The following AEBP2 variants were observed in gnomAD, a reference collection of about 807,000 sequenced individuals.
AEBP2 encodes AE binding protein 2.
In AEBP2, 10 loss-of-function variants were observed where a neutral mutation model predicts 50.8. The observed-to-expected ratio is 0.20, with a 90% CI of 0.12 to 0.33. The LOEUF is 0.33. Among genes scored for constraint, AEBP2 ranks in the 10% least tolerant of loss-of-function variants. AEBP2 has a pLI of 1.00. For missense variants in AEBP2, 570 were observed against 688.0 expected, an observed-to-expected ratio of 0.83 and a Z score of 1.92; for synonymous variants, 296 against 261.3, an observed-to-expected ratio of 1.13 and a Z score of -1.28.
At chr12:19,477,522 T>C (rs1164720211) in intron 3 of AEBP2, among the ~76,000 whole-genome samples, 4 of 152,238 alleles carry the variant, frequency 2.6e-5, no homozygotes, top group Non-Finnish European at 4.4e-5. Flanking sequence ...TTTTTTGTTA[T>C]ATGCTTTTTC....
At chr12:19,498,641 G>A (rs902167179) in intron 4 of AEBP2, among the ~76,000 whole-genome samples, 2 of 152,026 alleles carry the variant, frequency 1.3e-5, no homozygotes, top group African/African-American at 2.4e-5. Context: ...TACAGATCTT[G>A]AAAAATTACA....
chr12:19,494,498 C>CTTT (rs747750453), intron 4 of AEBP2, among the ~76,000 whole-genome samples: 30 of 115,852 alleles, frequency 2.6e-4, no homozygotes, highest in Admixed American at 4.1e-4. Flanking sequence ...AGCAGTGTTG[C>CTTT]TTTTTTTTTT....
At chr12:19,502,446 AT>A (rs1304900301) in intron 5 of AEBP2, among the ~76,000 whole-genome samples, 1 of 151,494 alleles carries the variant, frequency 6.6e-6, no homozygotes, top group Non-Finnish European at 1.5e-5. Context: ...TCTTGAGTTA[AT>A]TTTTTATATG....
chr12:19,412,604 T>G (rs901446029), intron 1 of AEBP2, among the ~76,000 whole-genome samples: 8 of 152,034 alleles, frequency 5.3e-5, no homozygotes, highest in African/African-American at 1.9e-4. Flanking sequence ...ATTATTATTA[T>G]TTTTAATTTT....
At position 19,448,920 on chromosome 12, in the gene AEBP2, T is replaced by C. The variant is rs567478873; in HGVS notation, c.671+8550T>C. On this transcript the variant is annotated intron_variant, in intron 1 of 7. Transcript: ENST00000266508. ...GTCTCGAACCCCTGAGCTCAAGCAG[T>C]CCTCCCACCTTGGCCTCCCAAAGTG... Among the ~76,000 whole-genome samples, 4 of 152,242 alleles carry C rather than the reference T, an allele frequency of 2.6e-5. 1 individual carries two copies. The highest frequency in any genetic ancestry group is 9.6e-5 in the African/African-American group (4 of 41,558).
intron 3 of AEBP2, among the ~76,000 whole-genome samples, chr12:19,474,453 A>G (rs1438677399): frequency 6.6e-6 from 1 of 152,204 alleles, no homozygotes; most frequent in East Asian, 1.9e-4. Flanking sequence ...AAAGGTTTAC[A>G]CTAAGAATTA....
chr12:19,443,705 A>T (rs2153366617), intron 1 of AEBP2, among the ~76,000 whole-genome samples: 1 of 152,266 alleles, frequency 6.6e-6, no homozygotes, highest in South Asian at 2.1e-4. Context: ...CGTGGGCGAC[A>T]GAGCAAGACT....
At chr12:19,465,266 C>G (rs1243337100) in intron 2 of AEBP2, among the ~76,000 whole-genome samples, 1 of 151,804 alleles carries the variant, frequency 6.6e-6, no homozygotes, top group Admixed American at 6.6e-5. Flanking sequence ...TAGTTGCGTC[C>G]CCCTGTAGTC....
chr12:19,479,485 G>C (rs956672878), intron 3 of AEBP2, among the ~76,000 whole-genome samples: 1 of 151,960 alleles, frequency 6.6e-6, no homozygotes, highest in Non-Finnish European at 1.5e-5. Context: ...TCATCACCTA[G>C]GCACACAGTC....
chr12:19,439,992 A>G lies in AEBP2; in HGVS notation c.293A>G (p.Asp98Gly). The G allele has an allele frequency of 1.3e-6, 2 of 1,522,690 alleles. No homozygotes were observed. Among genetic ancestry groups the G allele is most frequent in the African/African-American group, 1.4e-5 (1 of 69,594 alleles). The allele number at this position is 1,522,690 out of a possible 1,614,324, so 94.3% of individuals were successfully genotyped here. A position where few individuals can be genotyped will look rare whatever the true frequency, so the allele number is the denominator to read the frequency against. The change falls in exon 1 of 8, where the codon GAC (aspartate) becomes GGC (glycine). Residue 98 changes from aspartate (D) to glycine (G), a missense_variant. Physicochemically the swap from Asp to Gly is moderately conservative, Grantham distance 94 (BLOSUM62 -1). This residue lies in a region of AEBP2 where 386 missense variants were observed against 336.8 expected (regional missense o/e 1.15). Coordinates refer to ENST00000266508, the MANE Select transcript of AEBP2 (RefSeq NM_153207.5). The part of the protein sequence containing the change: ...ESASQAGEDE[D>G]EEEDDEEEED... ...GCCAGCCAGGCCGGGGAGGACGAAG[A>G]CGAGGAGGAGGACGACGAGGAGGAG...
chr12:19,501,797 GTTTTTT>G (rs754195220), intron 5 of AEBP2, among the ~76,000 whole-genome samples: 7 of 70,868 alleles, frequency 9.9e-5, no homozygotes, highest in Middle Eastern at 0.02. Context: ...AAATGAGTTT[GTTTTTT>G]TTTTTTTTTT....
At chr12:19,411,550 GCTT>G (rs941089534) in intron 1 of AEBP2, among the ~76,000 whole-genome samples, 1 of 144,974 alleles carries the variant, frequency 6.9e-6, no homozygotes, top group African/African-American at 2.8e-5. Context: ...ACAAATTCCT[GCTT>G]CTTAGAGTTG....
intron 3 of AEBP2, among the ~76,000 whole-genome samples, chr12:19,493,472 G>A (rs71463042): frequency 5.1e-4 from 77 of 152,284 alleles, no homozygotes; most frequent in Middle Eastern, 3.4e-3. Context: ...AAACAGCTTA[G>A]TGCTTCTGCT....
At chr12:19,477,621 CATGGT>C (rs1195349947) in intron 3 of AEBP2, among the ~76,000 whole-genome samples, 1 of 152,124 alleles carries the variant, frequency 6.6e-6, no homozygotes, top group Non-Finnish European at 1.5e-5. Context: ...TCTCTGCATC[CATGGT>C]ATGAAACCCA....
chr12:19,471,328 A>G (rs549577473), intron 2 of AEBP2, among the ~76,000 whole-genome samples: 54 of 152,182 alleles, frequency 3.5e-4, no homozygotes, highest in Non-Finnish European at 6.6e-4. Context: ...CATGTTGCCC[A>G]GGCTGGCCTC....
intron 4 of AEBP2, among the ~76,000 whole-genome samples, chr12:19,494,493 T>G (rs1948940326): frequency 1.4e-5 from 2 of 146,502 alleles, no homozygotes. Context: ...AACAAAGCAG[T>G]GTTGCTTTTT....
At chr12:19,499,491 G>A (rs981346572) in intron 4 of AEBP2, among the ~76,000 whole-genome samples, 8 of 151,936 alleles carry the variant, frequency 5.3e-5, no homozygotes, top group Non-Finnish European at 1.0e-4. Flanking sequence ...GTGTGCGCCT[G>A]TAGTCCCAGC....
rs1565692115 is a variant in AEBP2 at position 19,405,625 on chromosome 12, G to A, written c.-17+1409G>A. On this transcript the variant is annotated intron_variant, in intron 1 of 3. Coordinates refer to the AEBP2 transcript ENST00000538425. The stretch of plus-strand genomic sequence containing the variant: ...AGGCGTGATCCACTGCGCCCGGCTG[G>A]ATTTGTTCTTAAAGAAATTCAAGAT... Among the ~76,000 whole-genome samples, 7 of 152,112 alleles carry A rather than the reference G, an allele frequency of 4.6e-5. 1 individual carries two copies. The highest frequency in any genetic ancestry group is 4.6e-4 in the Admixed American group (7 of 15,278).
At chr12:19,464,881 C>T (rs1373911997) in intron 2 of AEBP2, among the ~76,000 whole-genome samples, 2 of 152,008 alleles carry the variant, frequency 1.3e-5, no homozygotes, top group South Asian at 2.1e-4. Flanking sequence ...TGAGCCATCG[C>T]ACCCGGCCAA....
Sources: allele counts gnomAD v4.1 joint callset (sites outside exome capture counted in the v4.1 genomes callset), GRCh38; gene constraint gnomAD v4.1.1; regional missense constraint gnomAD v4.1.1; transcripts MANE v1.5; gene names NCBI Gene and HGNC (gene_info 2026-07-23, HGNC 2026-07-21).